Variants in PARD3 observed in about 807,000 individuals in gnomAD.
PARD3 encodes the protein partitioning defective 3 homolog.
In PARD3, 75 loss-of-function variants were observed where a neutral mutation model predicts 155.4. That is an observed-to-expected ratio of 0.48 (90% CI 0.40 to 0.58). The LOEUF (loss-of-function observed/expected upper bound fraction) is 0.58, where lower values mean the gene tolerates loss of function less well. PARD3 is among the 20% of genes least tolerant of loss of function. PARD3 has a pLI of 0.00. For missense variants in PARD3, 1,642 were observed against 1,721.7 expected, an observed-to-expected ratio of 0.95 and a Z score of 0.82; for synonymous variants, 576 against 610.5, an observed-to-expected ratio of 0.94 and a Z score of 0.83.
rs546469132 is a variant in PARD3 at position 34,691,364 on chromosome 10, T to C, written c.222+4954A>G. 1.4e-4 allele frequency among the ~76,000 whole-genome samples: 22 copies of C among 152,044 alleles called. No homozygotes were observed. In the South Asian group the frequency reaches 4.4e-3, roughly 30 times the overall value. ...CCCAATAGCCACAAAAAGAATAACA[T>C]GCCTAGGAATACAGCTAACCAAAGA... On this transcript the variant is annotated intron_variant, in intron 2 of 24. Coordinates refer to ENST00000374788, the MANE Select transcript of PARD3 (RefSeq NM_001184785.2).
At chr10:34,279,228 C>A (rs77560532) in intron 21 of PARD3, among the ~76,000 whole-genome samples, 11,050 of 146,452 alleles carry the variant, frequency 0.075, 558 homozygotes, top group Non-Finnish European at 0.1. Context: ...CAGCTCACTG[C>A]AGCCTCGAAC....
chr10:34,366,624 T>C (rs1233635339), intron 12 of PARD3, among the ~76,000 whole-genome samples: 1 of 152,086 alleles, frequency 6.6e-6, no homozygotes, highest in Non-Finnish European at 1.5e-5. Context: ...AAAGAGAGAA[T>C]ATACTTATTC....
rs1204664162 is a variant in PARD3 at position 34,142,879 on chromosome 10, T to C, written c.3420-11296A>G. ...CAATAAAACCACTGGGGATACAAAGTTCAGCCAGTTGTGACCCACAGTTGA... is the reference window on the plus strand; with the variant it reads ...CAATAAAACCACTGGGGATACAAAGCTCAGCCAGTTGTGACCCACAGTTGA... On this transcript the variant is annotated intron_variant, in intron 22 of 24. Coordinates refer to ENST00000374788, the MANE Select transcript of PARD3 (RefSeq NM_001184785.2). Among the ~76,000 whole-genome samples the C allele has an allele frequency of 2.0e-5, 3 of 152,224 alleles. No homozygotes were observed. The East Asian group carries it at 5.8e-4, about 29-fold the overall frequency.
At chr10:34,778,102 A>G (rs1839814490) in intron 1 of PARD3, among the ~76,000 whole-genome samples, 1 of 152,218 alleles carries the variant, frequency 6.6e-6, no homozygotes, top group Non-Finnish European at 1.5e-5. Context: ...ACTCCCTGAC[A>G]TGAAATGGCG....
chr10:34,430,810 T>C (rs1358680661), intron 5 of PARD3, among the ~76,000 whole-genome samples: 2 of 152,042 alleles, frequency 1.3e-5, no homozygotes, highest in African/African-American at 4.8e-5. Context: ...ATCACAGGGG[T>C]CAGGCTAATG....
At chr10:34,555,667 T>C (rs1407136648) in intron 2 of PARD3, among the ~76,000 whole-genome samples, 2 of 152,168 alleles carry the variant, frequency 1.3e-5, no homozygotes, top group Non-Finnish European at 2.9e-5. Flanking sequence ...TATGTATTAG[T>C]CTTTTTTAAT....
At chr10:34,474,778 C>T (rs535097819) in intron 3 of PARD3, among the ~76,000 whole-genome samples, 13 of 152,274 alleles carry the variant, frequency 8.5e-5, no homozygotes, top group African/African-American at 3.1e-4. Context: ...CCTGTGGATA[C>T]AAATGTTGGT....
intron 2 of PARD3, among the ~76,000 whole-genome samples, chr10:34,572,798 T>A (rs906365338): frequency 6.7e-6 from 1 of 149,950 alleles, no homozygotes; most frequent in African/African-American, 2.4e-5. Context: ...ATGGCCTGAT[T>A]TTTTTTTTCT....
intron 14 of PARD3, among the ~76,000 whole-genome samples, chr10:34,355,954 AAACCAAAC>A (rs1838818046): frequency 1.6e-4 from 20 of 121,818 alleles, no homozygotes; most frequent in African/African-American, 7.5e-4. Context: ...AAACAAAACA[AAACCAAAC>A]AAAAAAACAG....
At chr10:34,204,195 C>T (rs1660643) in intron 22 of PARD3, among the ~76,000 whole-genome samples, 31,872 of 152,090 alleles carry the variant, frequency 0.21, 4,033 homozygotes, top group Non-Finnish European at 0.26. Context: ...TTGCAAGTAC[C>T]GTGTGGAACC....
intron 2 of PARD3, among the ~76,000 whole-genome samples, chr10:34,685,326 A>G (rs1007119137): frequency 2.0e-5 from 3 of 152,222 alleles, no homozygotes; most frequent in Admixed American, 2.0e-4. Flanking sequence ...TATTTCCCCA[A>G]GATGGAAAGA....
intron 2 of PARD3, among the ~76,000 whole-genome samples, chr10:34,604,229 G>A (rs569653801): frequency 6.6e-6 from 1 of 152,286 alleles, no homozygotes; most frequent in African/African-American, 2.4e-5. Flanking sequence ...ATTGGATTGA[G>A]GGATGCGAAG....
rs116642073 is a variant in PARD3, at chr10:34,382,737, G to C, written c.1202C>G (p.Thr401Arg). The C allele has an allele frequency of 2.5e-6, 4 of 1,614,032 alleles. No homozygotes were observed. Among genetic ancestry groups the C allele is most frequent in the African/African-American group, 1.3e-5 (1 of 74,924 alleles). Reference sequence around the variant, plus strand: ...GTTCAGTCGGGGTGCTCTCTGCACCGTGTGAAGCCCTGCACTGTTCACACT... The same window carrying C: ...GTTCAGTCGGGGTGCTCTCTGCACCCTGTGAAGCCCTGCACTGTTCACACT... Reference protein sequence around the residue: ...NRSVNSAGLHTVQRAPRLNHP... With the variant: ...NRSVNSAGLHRVQRAPRLNHP... The change falls in exon 9 of 25, where the codon ACG (threonine) becomes AGG (arginine). Residue 401 changes from threonine (T) to arginine (R), a missense_variant. Thr to Arg is a moderately conservative substitution (Grantham distance 71). Transcript: ENST00000374788.
chr10:34,714,783 T>A (rs1377202255), intron 1 of PARD3, among the ~76,000 whole-genome samples: 4 of 151,740 alleles, frequency 2.6e-5, no homozygotes, highest in Non-Finnish European at 4.4e-5. Flanking sequence ...AAATTTTTTT[T>A]TTTTTTTTGG....
At chr10:34,725,367 TG>T (rs2094688872) in intron 1 of PARD3, among the ~76,000 whole-genome samples, 1 of 152,048 alleles carries the variant, frequency 6.6e-6, no homozygotes, top group African/African-American at 2.4e-5. Context: ...TGGACCAAGG[TG>T]GTCTTGAACT....
intron 2 of PARD3, among the ~76,000 whole-genome samples, chr10:34,536,802 T>C (rs1190411711): frequency 6.6e-6 from 1 of 152,180 alleles, no homozygotes; most frequent in Non-Finnish European, 1.5e-5. Flanking sequence ...CCTGCTCTTC[T>C]AAGCAGAAGT....
chr10:34,698,430 T>G (rs540137549), intron 1 of PARD3, among the ~76,000 whole-genome samples: 2 of 152,314 alleles, frequency 1.3e-5, no homozygotes, highest in South Asian at 4.1e-4. Context: ...GGACCACACC[T>G]TACCCTCCAG....
intron 1 of PARD3, among the ~76,000 whole-genome samples, chr10:34,754,945 A>G (rs1346343052): frequency 6.6e-6 from 1 of 152,252 alleles, no homozygotes; most frequent in African/African-American, 2.4e-5. Context: ...CTTGACCACA[A>G]GGACACAAGA....
chr10:34,145,215 A>ATTT (rs1431781010), intron 22 of PARD3, among the ~76,000 whole-genome samples: 68 of 57,592 alleles, frequency 1.2e-3, no homozygotes, highest in African/African-American at 1.8e-3. Context: ...ATATATATAT[A>ATTT]TATATATTTT....
Sources: gnomAD v4.1 joint callset for allele counts (sites outside exome capture counted in the v4.1 genomes callset) on GRCh38, gnomAD v4.1.1 for gene constraint, MANE v1.5 for transcripts, NCBI Gene and HGNC (gene_info 2026-07-23, HGNC 2026-07-21) for gene names.